STT3B: variants seen among roughly 807,000 people sequenced by gnomAD.
STT3B encodes the protein STT3 oligosaccharyltransferase complex catalytic subunit B.
In STT3B, 29 loss-of-function variants were observed where a neutral mutation model predicts 96.8. The observed-to-expected ratio is 0.30, with a 90% CI of 0.22 to 0.41. The LOEUF (loss-of-function observed/expected upper bound fraction) is 0.41. STT3B is among the 10% of genes least tolerant of loss of function. The pLI is 1.00. For synonymous variants in STT3B, 367 were observed against 360.0 expected (o/e 1.02, Z -0.22); for missense variants, 640 against 1,022.3 (o/e 0.63, Z 5.10).
chr3:31,584,261 G>T lies in STT3B; in HGVS notation c.711+4165G>T, dbSNP rs1325280947. ...AGTTTATTTCTGGACTCTCAATTCT[G>T]TTCCATTCCCTTGCCATCTGTATGT... is the stretch of plus-strand genomic sequence containing the variant. On this transcript the variant is annotated intron_variant, in intron 3 of 15. Coordinates refer to ENST00000295770, the MANE Select transcript of STT3B (RefSeq NM_178862.3). Among the ~76,000 whole-genome samples the T allele has an allele frequency of 2.0e-5, 3 of 152,256 alleles. No homozygotes were observed. The East Asian group carries it at 5.8e-4, about 29-fold the overall frequency.
In STT3B at chr3:31,607,397, C is replaced by G. The variant is rs80191789; in HGVS notation, c.877+6938C>G. On this transcript the variant is annotated intron_variant, in intron 5 of 15. Transcript: ENST00000295770. ...TAATTTCCACATGTTGTGGGAGAGACCCGGTGGGAAATGATGCATGGGAGT... is the reference window on the plus strand; with the variant it reads ...TAATTTCCACATGTTGTGGGAGAGAGCCGGTGGGAAATGATGCATGGGAGT... Among the ~76,000 whole-genome samples the G allele has an allele frequency of 3.4e-4, 51 of 152,236 alleles. 2 individuals are homozygous for G. The East Asian group carries it at 9.7e-3, about 29-fold the overall frequency.
intron 14 of STT3B, among the ~76,000 whole-genome samples, chr3:31,631,874 G>A (rs371225931): frequency 2.7e-4 from 41 of 150,336 alleles, no homozygotes; most frequent in African/African-American, 9.0e-4. Flanking sequence ...TTTTTTCCCC[G>A]AGACAGGATC....
chr3:31,565,872 A>G (rs1438130054), intron 1 of STT3B, among the ~76,000 whole-genome samples: 1 of 152,202 alleles, frequency 6.6e-6, no homozygotes, highest in East Asian at 1.9e-4. Flanking sequence ...TTTCCAAAGT[A>G]ACTTTAGAAA....
rs557479790 is a variant in STT3B at position 31,576,850 on chromosome 3, G to T, written c.423+346G>T. ...AAGCAATTTGGAAGGAGATAGAAAC[G>T]TAGAATAATCATGATAATTATATAT... On this transcript the variant is annotated intron_variant, in intron 2 of 15. Transcript: ENST00000295770. Among the ~76,000 whole-genome samples the T allele has an allele frequency of 2.3e-4, 35 of 152,168 alleles. No individual in the cohort carries two copies. The South Asian group carries it at 4.4e-3, about 19-fold the overall frequency.
intron 6 of STT3B, among the ~76,000 whole-genome samples, chr3:31,616,232 T>G (rs1040124628): frequency 9.2e-5 from 14 of 151,948 alleles, no homozygotes; most frequent in African/African-American, 2.9e-4. Context: ...CATATTCTTC[T>G]TGGTGTCTCT....
chr3:31,569,891 T>A (rs1034568338), intron 1 of STT3B, among the ~76,000 whole-genome samples: 1 of 152,028 alleles, frequency 6.6e-6, no homozygotes, highest in African/African-American at 2.4e-5. Flanking sequence ...TCATTATGTA[T>A]GTAAATCATA....
chr3:31,559,774 G>A (rs557693873), intron 1 of STT3B, among the ~76,000 whole-genome samples: 4 of 152,196 alleles, frequency 2.6e-5, no homozygotes, highest in African/African-American at 9.6e-5. Context: ...ATCTGATGGT[G>A]AGAGTGGATT....
At chr3:31,564,020 A>G (rs1697941994) in intron 1 of STT3B, among the ~76,000 whole-genome samples, 1 of 152,186 alleles carries the variant, frequency 6.6e-6, no homozygotes, top group Non-Finnish European at 1.5e-5. Context: ...TTCAGAGGCC[A>G]GAACATGAAC....
intron 1 of STT3B, among the ~76,000 whole-genome samples, chr3:31,571,425 T>G (rs1425827520): frequency 6.6e-6 from 1 of 152,140 alleles, no homozygotes; most frequent in African/African-American, 2.4e-5. Context: ...AAATGAATTA[T>G]AGTGCCTACT....
chr3:31,605,328 TG>T (rs766907827), intron 5 of STT3B, among the ~76,000 whole-genome samples: 5 of 152,192 alleles, frequency 3.3e-5, no homozygotes, highest in Middle Eastern at 3.4e-3. Context: ...CTGTAATAGG[TG>T]TTTTTTTTTA....
chr3:31,573,397 G>A (rs1340179109), intron 1 of STT3B, among the ~76,000 whole-genome samples: 2 of 152,096 alleles, frequency 1.3e-5, no homozygotes, highest in African/African-American at 4.8e-5. Context: ...CCAGTTAGAG[G>A]CTATTTCAGT....
intron 1 of STT3B, among the ~76,000 whole-genome samples, chr3:31,550,158 G>T (rs1697516663): frequency 6.6e-6 from 1 of 152,140 alleles, no homozygotes; most frequent in Non-Finnish European, 1.5e-5. Context: ...GTCACTGCCA[G>T]TTAAGGCAGA....
At chr3:31,564,792 A>G (rs1194332475) in intron 1 of STT3B, among the ~76,000 whole-genome samples, 4 of 152,178 alleles carry the variant, frequency 2.6e-5, no homozygotes, top group Non-Finnish European at 4.4e-5. Context: ...GTAAAATGAG[A>G]TTTTTTAATT....
chr3:31,544,991 T>G (rs977587182), intron 1 of STT3B, among the ~76,000 whole-genome samples: 1 of 152,124 alleles, frequency 6.6e-6, no homozygotes, highest in Non-Finnish European at 1.5e-5. Flanking sequence ...TTTAATAACC[T>G]TGTTCCATAT....
chr3:31,571,971 A>T (rs1401361638), intron 1 of STT3B, among the ~76,000 whole-genome samples: 1 of 139,416 alleles, frequency 7.2e-6, no homozygotes, highest in Non-Finnish European at 1.5e-5. Flanking sequence ...AAAATATTAA[A>T]TATATCAATA....
intron 1 of STT3B, 150 bp downstream of exon 1, chr3:31,533,462 C>G: frequency 9.2e-7 from 1 of 1,086,512 alleles, no homozygotes; most frequent in Non-Finnish European, 1.2e-6. Context: ...CCCGGAGCTC[C>G]GGGCGCGCCC....
At chr3:31,553,378 G>C (rs1422358610) in intron 1 of STT3B, among the ~76,000 whole-genome samples, 1 of 152,128 alleles carries the variant, frequency 6.6e-6, no homozygotes, top group Non-Finnish European at 1.5e-5. Context: ...CAACCCAAAT[G>C]CCCTTCAGAA....
At chr3:31,563,896 C>T (rs972175565) in intron 1 of STT3B, among the ~76,000 whole-genome samples, 2 of 152,210 alleles carry the variant, frequency 1.3e-5, no homozygotes, top group South Asian at 2.1e-4. Context: ...ACCTCCACCT[C>T]CCGGGTTCAA....
At chr3:31,612,402 C>T (rs140294849) in intron 5 of STT3B, among the ~76,000 whole-genome samples, 3 of 152,216 alleles carry the variant, frequency 2.0e-5, no homozygotes, top group African/African-American at 7.2e-5. Context: ...AGATTTGTAC[C>T]ATTGGTGCTG....
Sources: allele counts gnomAD v4.1 joint callset (sites outside exome capture counted in the v4.1 genomes callset), GRCh38; gene constraint gnomAD v4.1.1; transcripts MANE v1.5; gene names NCBI Gene and HGNC (gene_info 2026-07-23, HGNC 2026-07-21).